The following CLIC5 variants were observed in gnomAD, a reference collection of about 807,000 sequenced individuals.
CLIC5 encodes the protein CLIC family member 5.
Under a neutral mutation model 24.7 loss-of-function variants are expected in CLIC5, and 20 were observed. The ratio of observed to expected loss-of-function variants is 0.81; its 90% confidence interval spans 0.57 to 1.18. CLIC5 has a LOEUF of 1.18. Ranked by LOEUF, CLIC5 falls within the 50% of genes most tolerant of loss-of-function variation. CLIC5 has a pLI of 0.00. For synonymous variants in CLIC5, 159 were observed against 135.6 expected (o/e 1.17, Z -1.20); for missense variants, 341 against 326.1 (o/e 1.05, Z -0.35).
intron 6 of CLIC5, among the ~76,000 whole-genome samples, chr6:45,891,564 A>G (rs552623072): frequency 9.3e-6 from 1 of 108,042 alleles, no homozygotes; most frequent in African/African-American, 4.2e-5. Context: ...TGAACCCGGG[A>G]GGCAGAGGTT....
downstream of CLIC5, among the ~76,000 whole-genome samples, chr6:45,896,212 C>T (rs912108833): frequency 1.3e-5 from 2 of 152,164 alleles, no homozygotes; most frequent in Non-Finnish European, 2.9e-5. Context: ...TTCACATAGA[C>T]GAATACCTGA....
At chr6:46,079,585 T>G in intron 1 of CLIC5, 2 of 824,502 alleles carry the variant, frequency 2.4e-6, no homozygotes, top group East Asian at 2.7e-5. Context: ...CTCCTGAATA[T>G]GTATTGAGAT....
chr6:45,978,886 G>A (rs938169944), intron 1 of CLIC5, among the ~76,000 whole-genome samples: 1 of 151,992 alleles, frequency 6.6e-6, no homozygotes, highest in Admixed American at 6.6e-5. Context: ...GGATGCGGAG[G>A]TTGCAGTGAG....
At chr6:45,907,161 G>A (rs908286246) in intron 5 of CLIC5, among the ~76,000 whole-genome samples, 3 of 152,160 alleles carry the variant, frequency 2.0e-5, no homozygotes, top group Non-Finnish European at 1.5e-5. Flanking sequence ...CTGCAGATTT[G>A]TCATAGATAG....
At chr6:46,028,732 C>T (rs1767413887) in intron 1 of CLIC5, among the ~76,000 whole-genome samples, 1 of 152,176 alleles carries the variant, frequency 6.6e-6, no homozygotes, top group African/African-American at 2.4e-5. Context: ...CACACATGCA[C>T]AGCCTCCCCC....
chr6:46,050,760 T>A (rs1768079428), intron 1 of CLIC5, among the ~76,000 whole-genome samples: 1 of 152,164 alleles, frequency 6.6e-6, no homozygotes, highest in Admixed American at 6.6e-5. Flanking sequence ...TAATGGACTC[T>A]ACTGGTCCTC....
chr6:45,960,631 GA>G (rs1174339514), intron 1 of CLIC5, among the ~76,000 whole-genome samples: 3 of 152,172 alleles, frequency 2.0e-5, no homozygotes, highest in African/African-American at 7.2e-5. Flanking sequence ...TCTTGACACA[GA>G]AACCAAAGTC....
At chr6:46,105,523 TCTC>T in the CLIC5 span, among the ~76,000 whole-genome samples, 1 of 152,194 alleles carries the variant, frequency 6.6e-6, no homozygotes, top group East Asian at 1.9e-4. Context: ...TTTATTTAAT[TCTC>T]CTCCCTATGC....
chr6:46,115,073 C>T, the CLIC5 span, among the ~76,000 whole-genome samples: 68,161 of 151,976 alleles, frequency 0.45, 16,572 homozygotes, highest in South Asian at 0.68. Context: ...CCCTGGAGAC[C>T]GGACCATAGT....
chr6:46,103,621 CT>C, the CLIC5 span, among the ~76,000 whole-genome samples: 1 of 149,732 alleles, frequency 6.7e-6, no homozygotes, highest in South Asian at 2.2e-4. Flanking sequence ...GCCATTCTTT[CT>C]GCAACCTCAG....
intron 1 of CLIC5, among the ~76,000 whole-genome samples, chr6:46,026,196 G>A (rs961010469): frequency 5.3e-5 from 8 of 152,128 alleles, no homozygotes; most frequent in African/African-American, 1.9e-4. Context: ...CATTGGTCTA[G>A]CCTGAATTAT....
At chr6:46,018,330 C>G (rs1407471357), upstream of CLIC5, among the ~76,000 whole-genome samples, 1 of 152,174 alleles carries the variant, frequency 6.6e-6, no homozygotes, top group African/African-American at 2.4e-5. Context: ...TTTCCTTAAT[C>G]CCAAACCTAT....
upstream of CLIC5, among the ~76,000 whole-genome samples, chr6:46,016,484 C>T (rs1408760751): frequency 1.3e-5 from 2 of 152,208 alleles, no homozygotes; most frequent in Non-Finnish European, 2.9e-5. Flanking sequence ...GTGCGGCTTC[C>T]ATGCCTTTCA....
chr6:46,102,886 C>T, the CLIC5 span, among the ~76,000 whole-genome samples: 25 of 152,160 alleles, frequency 1.6e-4, no homozygotes, highest in Non-Finnish European at 2.6e-4. Flanking sequence ...CTGGGACAAA[C>T]GTCAATGAAG....
chr6:45,994,385 C>T (rs1026824195), intron 1 of CLIC5, among the ~76,000 whole-genome samples: 2 of 152,050 alleles, frequency 1.3e-5, no homozygotes, highest in African/African-American at 4.8e-5. Context: ...CAAACTAACA[C>T]GGGAACAGAA....
intron 1 of CLIC5, among the ~76,000 whole-genome samples, chr6:45,976,543 G>C (rs561372188): frequency 1.2e-4 from 19 of 152,164 alleles, no homozygotes; most frequent in Admixed American, 6.5e-4. Flanking sequence ...ATTTAATAAA[G>C]GTTGGTGCAA....
chr6:45,954,852 C>A (rs543391994), intron 2 of CLIC5, among the ~76,000 whole-genome samples: 2 of 152,176 alleles, frequency 1.3e-5, no homozygotes, highest in African/African-American at 2.4e-5. Flanking sequence ...ATGTCTGTGC[C>A]CATATGTGCA....
intron 3 of CLIC5, among the ~76,000 whole-genome samples, chr6:45,942,972 C>CT (rs2127370270): frequency 6.6e-6 from 1 of 152,336 alleles, no homozygotes; most frequent in East Asian, 1.9e-4. Context: ...CAGCAGTGTC[C>CT]TTCCCCCTCC....
intron 1 of CLIC5, among the ~76,000 whole-genome samples, chr6:45,960,047 A>G (rs530381872): frequency 6.6e-6 from 1 of 152,136 alleles, no homozygotes; most frequent in East Asian, 1.9e-4. Context: ...TACCATATTG[A>G]TATAACTCTA....
Sources: allele counts gnomAD v4.1 joint callset (sites outside exome capture counted in the v4.1 genomes callset), GRCh38; gene constraint gnomAD v4.1.1; transcripts MANE v1.5; gene names NCBI Gene and HGNC (gene_info 2026-07-23, HGNC 2026-07-21).